Variants in GMDS observed in about 807,000 individuals in gnomAD.
The protein encoded by GMDS is GDP-mannose 4,6 dehydratase.
In GMDS, 20 loss-of-function variants were observed where a neutral mutation model predicts 49.9. The ratio of observed to expected loss-of-function variants is 0.40; its 90% CI spans 0.28 to 0.58. The LOEUF (loss-of-function observed/expected upper bound fraction) is 0.58. Ranked by LOEUF, GMDS falls within the 20% of genes least tolerant of loss-of-function variation. GMDS has a pLI of 0.42. For synonymous variants in GMDS, 177 were observed against 178.6 expected, an observed-to-expected ratio of 0.99 and a Z score of 0.07; for missense variants, 362 against 481.4, an observed-to-expected ratio of 0.75 and a Z score of 2.32.
chr6:1,937,432 G>C (rs770748276), intron 6 of GMDS, among the ~76,000 whole-genome samples: 49 of 152,158 alleles, frequency 3.2e-4, no homozygotes, highest in Admixed American at 4.6e-4. Context: ...TTAGTTCCTA[G>C]GGCTGCCATA....
At chr6:1,725,131 C>CA (rs59475375) in intron 9 of GMDS, among the ~76,000 whole-genome samples, 127,463 of 152,090 alleles carry the variant, frequency 0.84, 53,898 homozygotes, top group East Asian at 1. Context: ...AAAATGGTTT[C>CA]AAAAAATTCA....
intron 7 of GMDS, among the ~76,000 whole-genome samples, chr6:1,800,611 TTTTCTTTTTCTTTC>T (rs1178934048): frequency 6.6e-6 from 1 of 151,420 alleles, no homozygotes; most frequent in Non-Finnish European, 1.5e-5. Context: ...TAATTTTTCT[TTTTCTTTTTCTTTC>T]TTTCTTTTTT....
chr6:1,743,200 C>A (rs66477179), intron 7 of GMDS, among the ~76,000 whole-genome samples: 64,632 of 151,702 alleles, frequency 0.43, 14,336 homozygotes, highest in East Asian at 0.65. Context: ...AAACATTTAT[C>A]CCAGAGTTAA....
At chr6:2,105,039 A>G (rs974316335) in intron 4 of GMDS, among the ~76,000 whole-genome samples, 5 of 152,000 alleles carry the variant, frequency 3.3e-5, no homozygotes, top group South Asian at 4.2e-4. Context: ...AAAATTAGCC[A>G]GGTGTGGTGG....
At position 2,245,470 on chromosome 6, in the gene GMDS, G is replaced by A. The variant is rs992841328; in HGVS notation, c.-48C>T. ...GGCGGCAGGGCGGAGCGCGGCAGAG[G>A]GCAGGCGCGGTGCCGGCAGGAACGC... is the stretch of plus-strand genomic sequence containing the variant. On this transcript the variant is annotated 5_prime_UTR_variant, in exon 1 of 11. Transcript: ENST00000380815. 39 of 1,123,804 alleles carry A rather than the reference G, an allele frequency of 3.5e-5. No homozygotes were observed. Among genetic ancestry groups the A allele is most frequent in the Non-Finnish European group, 4.4e-5 (38 of 854,912 alleles). The allele number at this position is 1,123,804 out of a possible 1,614,324, so 69.6% of individuals were successfully genotyped here.
chr6:2,039,247 G>A (rs1050649397), intron 4 of GMDS, among the ~76,000 whole-genome samples: 1 of 152,188 alleles, frequency 6.6e-6, no homozygotes, highest in South Asian at 2.1e-4. Flanking sequence ...CATGAATGGA[G>A]CTTGCAGGAC....
intron 4 of GMDS, among the ~76,000 whole-genome samples, chr6:2,052,119 AAAAAAAAAAAAG>A (rs1181384648): frequency 3.5e-5 from 5 of 142,406 alleles, no homozygotes; most frequent in Non-Finnish European, 6.1e-5. Context: ...TCTGTCTCAA[AAAAAAAAAAAAG>A]AAAAAAAAAA....
rs1323320012 is a variant in GMDS, at chr6:2,200,400, C to G, written c.102+44921G>C. Among the ~76,000 whole-genome samples, 13 of 126,944 alleles carry G rather than the reference C, an allele frequency of 1.0e-4. No homozygotes were observed. The South Asian group carries it at 1.1e-3, about 10-fold the overall frequency. 83.3% of individuals were successfully genotyped at this position (126,944 alleles called of 152,430 possible). On this transcript the variant is annotated intron_variant, in intron 1 of 10. Coordinates refer to ENST00000380815, the MANE Select transcript of GMDS (RefSeq NM_001500.4). ...TTAGCAGAGAGGTGAAGGATGAAGA[C>G]AGAACACCACATGGACATCCGAGAT...
chr6:1,829,780 C>CG (rs1193629462), intron 7 of GMDS, among the ~76,000 whole-genome samples: 3 of 152,108 alleles, frequency 2.0e-5, no homozygotes, highest in African/African-American at 7.2e-5. Context: ...ATTAGGTGGA[C>CG]GGGGGGAATC....
chr6:1,740,222 A>C (rs1423205613), intron 8 of GMDS, among the ~76,000 whole-genome samples: 1 of 152,230 alleles, frequency 6.6e-6, no homozygotes, highest in East Asian at 1.9e-4. Context: ...GTAATTAATG[A>C]GAGTGGCAGA....
intron 1 of GMDS, among the ~76,000 whole-genome samples, chr6:2,226,062 T>C: frequency 6.6e-6 from 1 of 151,542 alleles, no homozygotes; most frequent in East Asian, 1.9e-4. Context: ...AAGAAAGAAA[T>C]GAAATAGAGG....
intron 1 of GMDS, among the ~76,000 whole-genome samples, chr6:2,196,643 CAT>C (rs1407975810): frequency 6.6e-6 from 1 of 152,140 alleles, no homozygotes; most frequent in Non-Finnish European, 1.5e-5. Context: ...GGACAGACCA[CAT>C]TAACTTTTAA....
chr6:1,822,694 C>A (rs994965719), intron 7 of GMDS, among the ~76,000 whole-genome samples: 2 of 152,024 alleles, frequency 1.3e-5, no homozygotes, highest in Non-Finnish European at 2.9e-5. Flanking sequence ...AAAGTAGAAG[C>A]ATGTTTGAAA....
At chr6:2,033,972 T>C (rs899820688) in intron 4 of GMDS, among the ~76,000 whole-genome samples, 3 of 152,194 alleles carry the variant, frequency 2.0e-5, no homozygotes, top group African/African-American at 7.2e-5. Flanking sequence ...GAAAAAAATA[T>C]TAAAACTTTC....
chr6:1,820,394 C>G (rs1661663216), intron 7 of GMDS, among the ~76,000 whole-genome samples: 1 of 152,124 alleles, frequency 6.6e-6, no homozygotes. Flanking sequence ...ATTCCCTTCA[C>G]AAAGTTCAAA....
intron 7 of GMDS, among the ~76,000 whole-genome samples, chr6:1,857,639 C>T (rs1757994141): frequency 6.6e-6 from 1 of 152,176 alleles, no homozygotes; most frequent in South Asian, 2.1e-4. Flanking sequence ...ACACCTCCCT[C>T]AGCCTTGAAA....
chr6:1,802,745 C>A (rs1200371542), intron 7 of GMDS, among the ~76,000 whole-genome samples: 1 of 152,200 alleles, frequency 6.6e-6, no homozygotes, highest in African/African-American at 2.4e-5. Context: ...ACCTTTTTCC[C>A]CCTCTAACAT....
chr6:1,826,241 C>T (rs368750485), intron 7 of GMDS, among the ~76,000 whole-genome samples: 3 of 152,250 alleles, frequency 2.0e-5, no homozygotes, highest in East Asian at 1.9e-4. Context: ...ATGGCTACCA[C>T]GTCACTACAT....
At chr6:2,197,426 G>T (rs757546139) in intron 1 of GMDS, among the ~76,000 whole-genome samples, 8 of 152,310 alleles carry the variant, frequency 5.3e-5, no homozygotes, top group Non-Finnish European at 1.0e-4. Flanking sequence ...TGGCTGGAAG[G>T]AGGAGGCTTT....
Sources: gnomAD v4.1 joint callset for allele counts (sites outside exome capture counted in the v4.1 genomes callset) on GRCh38, gnomAD v4.1.1 for gene constraint, MANE v1.5 for transcripts, NCBI Gene and HGNC (gene_info 2026-07-23, HGNC 2026-07-21) for gene names.